The following PARD3B variants were observed in gnomAD, a reference collection of about 807,000 sequenced individuals.
PARD3B encodes par-3 family cell polarity regulator beta, also known as partitioning defective 3 homolog B.
Under a neutral mutation model 130.2 loss-of-function variants are expected in PARD3B, and 103 were observed. The ratio of observed to expected loss-of-function variants is 0.79; its 90% confidence interval spans 0.67 to 0.93. The LOEUF is 0.93. Ranked by LOEUF, PARD3B falls within the 40% of genes least tolerant of loss-of-function variation. The pLI is 0.00. For synonymous variants in PARD3B, 583 were observed against 553.2 expected (o/e 1.05, Z -0.76); for missense variants, 1,609 against 1,499.2 (o/e 1.07, Z -1.21).
intron 2 of PARD3B, among the ~76,000 whole-genome samples, chr2:204,883,493 G>A (rs570996847): frequency 8.8e-6 from 1 of 113,532 alleles, no homozygotes; most frequent in African/African-American, 3.5e-5. Context: ...CTGTCTCTGA[G>A]GCTAGAGTGC....
intron 2 of PARD3B, among the ~76,000 whole-genome samples, chr2:204,773,235 A>G (rs893085068): frequency 2.0e-5 from 3 of 152,064 alleles, no homozygotes; most frequent in Admixed American, 6.6e-5. Flanking sequence ...CTACCATTCA[A>G]TGAAATACAG....
At chr2:205,232,297 G>A (rs1233808044) in intron 15 of PARD3B, among the ~76,000 whole-genome samples, 2 of 152,148 alleles carry the variant, frequency 1.3e-5, no homozygotes, top group East Asian at 3.9e-4. Context: ...CACACAGAGT[G>A]TAAATATTAG....
At chr2:205,081,746 ATAT>A (rs1359620772) in intron 4 of PARD3B, among the ~76,000 whole-genome samples, 1 of 152,098 alleles carries the variant, frequency 6.6e-6, no homozygotes, top group Non-Finnish European at 1.5e-5. Context: ...AATTAAGATA[ATAT>A]TATCTTTTGT....
intron 21 of PARD3B, among the ~76,000 whole-genome samples, chr2:205,507,796 G>A (rs937185173): frequency 5.9e-5 from 9 of 152,084 alleles, no homozygotes; most frequent in African/African-American, 2.2e-4. Context: ...CCTGTTTATC[G>A]TTAGAAAGAA....
chr2:205,354,069 G>A (rs1296333352), intron 18 of PARD3B, among the ~76,000 whole-genome samples: 1 of 108,048 alleles, frequency 9.3e-6, no homozygotes, highest in Non-Finnish European at 1.7e-5. Flanking sequence ...GTCTTGCTCT[G>A]TTGCCCAGGC....
rs544589508 is a variant in PARD3B at position 205,461,138 on chromosome 2, A to T, written c.3044+20466A>T. On this transcript the variant is annotated intron_variant, in intron 20 of 22. Transcript: ENST00000406610. This position sits in a 1 kb window ranked among gnomAD's most constrained non-coding sequence, Gnocchi z 4.3. ...AATGTGTAGTTATAAGTAGAGTGTCATAAACATATTTGACACTGTGGAGGA... is the reference window on the plus strand; with the variant it reads ...AATGTGTAGTTATAAGTAGAGTGTCTTAAACATATTTGACACTGTGGAGGA... Among the ~76,000 whole-genome samples the T allele has an allele frequency of 6.6e-6, 1 of 152,352 alleles. No homozygotes were observed. Among genetic ancestry groups the T allele is most frequent in the African/African-American group, 2.4e-5 (1 of 41,598 alleles).
intron 1 of PARD3B, among the ~76,000 whole-genome samples, chr2:204,554,346 A>G (rs1156530299): frequency 1.3e-5 from 2 of 152,016 alleles, no homozygotes; most frequent in Non-Finnish European, 2.9e-5. Context: ...GGCATCTTAC[A>G]CTTATAGCAT....
intron 3 of PARD3B, among the ~76,000 whole-genome samples, chr2:204,983,435 G>C (rs1431905977): frequency 6.6e-6 from 1 of 151,386 alleles, no homozygotes; most frequent in Non-Finnish European, 1.5e-5. Flanking sequence ...GAGGAGAGAA[G>C]TCAGTTTAAG....
chr2:204,630,952 G>T (rs1484555199), intron 1 of PARD3B, among the ~76,000 whole-genome samples: 1 of 151,824 alleles, frequency 6.6e-6, no homozygotes, highest in Non-Finnish European at 1.5e-5. Flanking sequence ...TTATGTCTCT[G>T]TCTTCTTCAG....
intron 2 of PARD3B, among the ~76,000 whole-genome samples, chr2:204,790,232 C>G (rs920667269): frequency 2.0e-5 from 3 of 152,124 alleles, no homozygotes; most frequent in Non-Finnish European, 4.4e-5. Context: ...ATTTTTCTAC[C>G]AGCTCTTTAT....
chr2:204,628,857 A>G (rs1050789837), intron 1 of PARD3B, among the ~76,000 whole-genome samples: 9 of 152,208 alleles, frequency 5.9e-5, no homozygotes, highest in African/African-American at 2.2e-4. Context: ...GTGGAGAAGG[A>G]AGAAATTTTG....
At chr2:205,053,645 A>C (rs1326355921) in intron 4 of PARD3B, among the ~76,000 whole-genome samples, 2 of 151,938 alleles carry the variant, frequency 1.3e-5, no homozygotes, top group Non-Finnish European at 1.5e-5. Flanking sequence ...CCATCTCAAA[A>C]AAAAAAAAAA....
At chr2:205,598,064 A>G (rs952913040) in intron 22 of PARD3B, among the ~76,000 whole-genome samples, 9 of 152,210 alleles carry the variant, frequency 5.9e-5, no homozygotes, top group African/African-American at 1.2e-4. Flanking sequence ...TCAAGTCCAC[A>G]TAACAATTAG....
chr2:204,956,319 T>C (rs1042143822), intron 2 of PARD3B, among the ~76,000 whole-genome samples: 7 of 152,106 alleles, frequency 4.6e-5, no homozygotes, highest in Non-Finnish European at 1.0e-4. Flanking sequence ...GAAAATGAAA[T>C]GGAGCTAGTT....
At chr2:204,798,180 A>G (rs1042860905) in intron 2 of PARD3B, among the ~76,000 whole-genome samples, 2 of 152,220 alleles carry the variant, frequency 1.3e-5, no homozygotes, top group South Asian at 2.1e-4. Context: ...TGCCCACACC[A>G]CTACTCCCTC....
chr2:205,377,977 G>A (rs1348583573), intron 18 of PARD3B, among the ~76,000 whole-genome samples: 1 of 151,964 alleles, frequency 6.6e-6, no homozygotes, highest in Admixed American at 6.6e-5. Flanking sequence ...CACCATGTTA[G>A]CCAGGCTAGT....
At chr2:205,273,779 A>G (rs540802141) in intron 16 of PARD3B, among the ~76,000 whole-genome samples, 1 of 152,320 alleles carries the variant, frequency 6.6e-6, no homozygotes, top group African/African-American at 2.4e-5. Flanking sequence ...CTGACTCACA[A>G]TGTATACAGT....
At chr2:204,670,133 G>A (rs1331569309) in intron 1 of PARD3B, among the ~76,000 whole-genome samples, 1 of 152,148 alleles carries the variant, frequency 6.6e-6, no homozygotes, top group Non-Finnish European at 1.5e-5. Context: ...CCACTCTTCT[G>A]TACCATTTAA....
At chr2:205,191,163 T>G (rs1035512687) in intron 14 of PARD3B, among the ~76,000 whole-genome samples, 2 of 151,590 alleles carry the variant, frequency 1.3e-5, no homozygotes, top group Admixed American at 1.3e-4. Flanking sequence ...AATCTCTTCA[T>G]TGGCAAATGC....
Sources: gnomAD v4.1 joint callset for allele counts (sites outside exome capture counted in the v4.1 genomes callset) on GRCh38, gnomAD v4.1.1 for gene constraint, Gnocchi (gnomAD v3.1) non-coding constraint, MANE v1.5 for transcripts, NCBI Gene and HGNC (gene_info 2026-07-23, HGNC 2026-07-21) for gene names.